Variants in CAMSAP2 observed in about 807,000 individuals in gnomAD.
CAMSAP2 encodes calmodulin regulated spectrin associated protein family member 2.
Under a neutral mutation model 146.1 loss-of-function variants are expected in CAMSAP2, and 26 were observed. That is an observed-to-expected ratio of 0.18 (90% CI 0.13 to 0.25). The LOEUF (loss-of-function observed/expected upper bound fraction) is 0.25. CAMSAP2 is among the 10% of genes least tolerant of loss of function. The pLI is 1.00. For missense variants in CAMSAP2, 1,381 were observed against 1,759.3 expected, an observed-to-expected ratio of 0.78 and a Z score of 3.85; for synonymous variants, 499 against 596.6, an observed-to-expected ratio of 0.84 and a Z score of 2.38.
intron 4 of CAMSAP2, among the ~76,000 whole-genome samples, chr1:200,822,419 T>A (rs902240630): frequency 6.6e-6 from 1 of 152,224 alleles, no homozygotes; most frequent in Non-Finnish European, 1.5e-5. Context: ...CTTTGTGGCC[T>A]TGACATTTTT....
chr1:200,825,253 C>T lies in CAMSAP2; in HGVS notation c.646-6947C>T, dbSNP rs1666875424. 2.0e-5 allele frequency among the ~76,000 whole-genome samples: 3 copies of T among 152,144 alleles called. No homozygotes were observed. The South Asian group carries it at 6.2e-4, about 32-fold the overall frequency. On this transcript the variant is annotated intron_variant, in intron 4 of 16. Transcript: ENST00000358823. ...AGAACATTGACATAATTCCAAAAAT[C>T]AGAACTATATAAATGGTATACTCAG... is the stretch of plus-strand genomic sequence containing the variant.
At chr1:200,793,333 C>G (rs914284471) in intron 2 of CAMSAP2, among the ~76,000 whole-genome samples, 2 of 151,572 alleles carry the variant, frequency 1.3e-5, no homozygotes, top group African/African-American at 4.9e-5. Context: ...TAGCAATCAT[C>G]GTTGGTTTTT....
chr1:200,803,066 A>G (rs1666076656), intron 2 of CAMSAP2, among the ~76,000 whole-genome samples: 1 of 152,146 alleles, frequency 6.6e-6, no homozygotes, highest in South Asian at 2.1e-4. Context: ...ATGTCATGCT[A>G]TGCTCTGCCA....
At chr1:200,804,677 C>A (rs148918796) in intron 2 of CAMSAP2, among the ~76,000 whole-genome samples, 1 of 151,998 alleles carries the variant, frequency 6.6e-6, no homozygotes, top group Non-Finnish European at 1.5e-5. Flanking sequence ...TGGAGTATAA[C>A]GGAGAGGATA....
Position 200,832,146 on chromosome 1 carries a change from TC to T in CAMSAP2, c.646-52del. ...TTAGAATTTACAGTACTGATTTTTT[TC>T]CTATGCGTTATTTGGTACTTATTTA... is the stretch of plus-strand genomic sequence containing the variant. On this transcript the variant is annotated intron_variant, in intron 4 of 16. Transcript: ENST00000358823. This position sits in a 1 kb window ranked among gnomAD's most constrained non-coding sequence, Gnocchi z 4.2. 1 of 1,427,420 alleles carries T rather than the reference TC, an allele frequency of 7.0e-7. No individual in the cohort carries two copies. Among genetic ancestry groups the T allele is most frequent in the South Asian group, 1.4e-5 (1 of 73,656 alleles). The allele number at this position is 1,427,420 out of a possible 1,614,324, so 88.4% of individuals were successfully genotyped here. A position where few individuals can be genotyped will look rare whatever the true frequency, so the allele number is the denominator to read the frequency against.
chr1:200,803,976 G>C (rs1469802562), intron 2 of CAMSAP2, among the ~76,000 whole-genome samples: 1 of 151,644 alleles, frequency 6.6e-6, no homozygotes, highest in African/African-American at 2.4e-5. Flanking sequence ...GCCCAGGCTG[G>C]AGTGCAGTGG....
In CAMSAP2 at chr1:200,847,712, A is replaced by G; in HGVS notation, c.1262+3A>G. The G allele has an allele frequency of 6.2e-7, 1 of 1,605,414 alleles. No individual in the cohort carries two copies. Among genetic ancestry groups the G allele is most frequent in the Non-Finnish European group, 8.5e-7 (1 of 1,172,878 alleles). On this transcript the variant is annotated splice_donor_region_variant and intron_variant, in intron 10 of 16. Transcript: ENST00000358823. ...GGGACATGGCCCAAAGAGAAAAGGT[A>G]AACAAAGAGAATTACTTTTAGTGTA...
chr1:200,843,849 T>TG (rs397753500), intron 7 of CAMSAP2, among the ~76,000 whole-genome samples: 3 of 150,342 alleles, frequency 2.0e-5, no homozygotes, highest in Non-Finnish European at 2.9e-5. Flanking sequence ...GTTTTTTTTT[T>TG]GTTTGTTTGT....
rs1667768856 is a variant in CAMSAP2 at position 200,857,114 on chromosome 1, C to T, written c.4013-192C>T. On this transcript the variant is annotated intron_variant, in intron 15 of 16. Coordinates refer to ENST00000358823, the MANE Select transcript of CAMSAP2 (RefSeq NM_203459.4). This position sits in a 1 kb window ranked among gnomAD's most constrained non-coding sequence, Gnocchi z 4.7. ...AGGGTACTCCAAAAGGCCATAGGAA[C>T]ATCCTCCATATCTCTGGGTGGATAA... 6.6e-6 allele frequency among the ~76,000 whole-genome samples: 1 copy of T among 152,136 alleles called. No homozygotes were observed. The highest frequency in any genetic ancestry group is 1.5e-5 in the Non-Finnish European group (1 of 68,018).
chr1:200,821,564 T>C (rs191025057), intron 4 of CAMSAP2, among the ~76,000 whole-genome samples: 120 of 152,366 alleles, frequency 7.9e-4, no homozygotes, highest in African/African-American at 2.7e-3. Context: ...TTTCGCCATG[T>C]TGGCCAGGCT....
chr1:200,822,132 C>T (rs980481523), intron 4 of CAMSAP2, among the ~76,000 whole-genome samples: 2 of 131,092 alleles, frequency 1.5e-5, no homozygotes, highest in African/African-American at 5.9e-5. Flanking sequence ...CTCTCTCTCT[C>T]TCGCTCTACA....
chr1:200,827,614 T>C (rs1666936961), intron 4 of CAMSAP2, among the ~76,000 whole-genome samples: 1 of 152,194 alleles, frequency 6.6e-6, no homozygotes, highest in Admixed American at 6.5e-5. Flanking sequence ...AGGAAGCTGG[T>C]ATGTTTCTGA....
chr1:200,832,474 A>G lies in CAMSAP2; in HGVS notation c.787+133A>G. 1.1e-6 allele frequency: 1 copy of G among 902,340 alleles called. No homozygotes were observed. The highest frequency in any genetic ancestry group is 1.6e-6 in the Non-Finnish European group (1 of 635,708). 55.9% of individuals were successfully genotyped at this position (902,340 alleles called of 1,614,324 possible). On this transcript the variant is annotated intron_variant, in intron 5 of 16. Transcript: ENST00000358823. This position sits in a 1 kb window ranked among gnomAD's most constrained non-coding sequence, Gnocchi z 4.2. Reference sequence around the variant, plus strand: ...AAAAAAAAGACAATATTATTTAATAAGTACTGAAGACTTTTTTTTAAAAAT... The same window carrying G: ...AAAAAAAAGACAATATTATTTAATAGGTACTGAAGACTTTTTTTTAAAAAT...
At chr1:200,795,911 A>C (rs1295226214) in intron 2 of CAMSAP2, among the ~76,000 whole-genome samples, 2 of 152,212 alleles carry the variant, frequency 1.3e-5, no homozygotes, top group African/African-American at 4.8e-5. Context: ...CATGCTAGTC[A>C]TCATACTTTT....
intron 2 of CAMSAP2, among the ~76,000 whole-genome samples, chr1:200,790,273 T>G (rs1413823919): frequency 6.6e-6 from 1 of 152,154 alleles, no homozygotes; most frequent in Non-Finnish European, 1.5e-5. Flanking sequence ...AGGGCAGGCC[T>G]TGTTAAGAAG....
intron 2 of CAMSAP2, among the ~76,000 whole-genome samples, chr1:200,797,865 G>T (rs1247564110): frequency 6.8e-6 from 1 of 146,288 alleles, no homozygotes; most frequent in East Asian, 2.0e-4. Flanking sequence ...GTAAGGAAGG[G>T]ATCCAGTTTC....
At chr1:200,772,539 G>A (rs1034896940) in intron 2 of CAMSAP2, among the ~76,000 whole-genome samples, 39 of 152,108 alleles carry the variant, frequency 2.6e-4, no homozygotes, top group African/African-American at 8.7e-4. Context: ...AACCCAGGAG[G>A]CAGAGGTTGC....
chr1:200,842,947 C>A (rs1190657551), intron 7 of CAMSAP2, among the ~76,000 whole-genome samples: 1 of 149,970 alleles, frequency 6.7e-6, no homozygotes, highest in African/African-American at 2.5e-5. Flanking sequence ...TGCACTCCAG[C>A]CTGGGTGACA....
chr1:200,768,964 G>A (rs1289587684), intron 2 of CAMSAP2, among the ~76,000 whole-genome samples: 1 of 152,114 alleles, frequency 6.6e-6, no homozygotes, highest in Admixed American at 6.6e-5. Flanking sequence ...GAGAGACCTC[G>A]TTAAGGTAGG....
Sources: gnomAD v4.1 joint callset for allele counts (sites outside exome capture counted in the v4.1 genomes callset) on GRCh38, gnomAD v4.1.1 for gene constraint, Gnocchi (gnomAD v3.1) non-coding constraint, MANE v1.5 for transcripts, NCBI Gene and HGNC (gene_info 2026-07-23, HGNC 2026-07-21) for gene names.